DOCK3: variants seen among roughly 807,000 people sequenced by gnomAD.
DOCK3 encodes the protein dedicator of cytokinesis 3, also known as dedicator of cytokinesis protein 3.
Under a neutral mutation model 265.6 loss-of-function variants are expected in DOCK3, and 60 were observed. The ratio of observed to expected loss-of-function variants is 0.23; its 90% CI spans 0.18 to 0.28. DOCK3 has a LOEUF of 0.28. DOCK3 is among the 10% of genes least tolerant of loss of function. The pLI, the probability that DOCK3 is intolerant of heterozygous loss-of-function variation, is 1.00. For synonymous variants in DOCK3, 881 were observed against 938.0 expected, an observed-to-expected ratio of 0.94 and a Z score of 1.11; for missense variants, 1,981 against 2,594.3, an observed-to-expected ratio of 0.76 and a Z score of 5.14.
chr3:50,845,639 A>G (rs1487030130), intron 3 of DOCK3, among the ~76,000 whole-genome samples: 1 of 152,154 alleles, frequency 6.6e-6, no homozygotes, highest in African/African-American at 2.4e-5. Context: ...GCAACAGGGA[A>G]TCTGTCATTC....
chr3:50,706,790 C>T (rs182165190), intron 1 of DOCK3, among the ~76,000 whole-genome samples: 1 of 148,914 alleles, frequency 6.7e-6, no homozygotes, highest in Non-Finnish European at 1.5e-5. Context: ...CTTTTATATT[C>T]TTTTTTTTTT....
At position 51,061,562 on chromosome 3, in the gene DOCK3, TG is replaced by T. The variant is rs531728765; in HGVS notation, c.316-2882del. The stretch of plus-strand genomic sequence containing the variant: ...GAACATCACACACCGGGGCCTGATG[TG>T]GGGTGGGGAGAGGGGGGAGGGATAG... On this transcript the variant is annotated intron_variant, in intron 5 of 52. Coordinates refer to ENST00000266037, the MANE Select transcript of DOCK3 (RefSeq NM_004947.5). 2.7e-5 allele frequency among the ~76,000 whole-genome samples: 4 copies of T among 146,396 alleles called. No homozygotes were observed. In the South Asian group the frequency reaches 8.7e-4, roughly 32 times the overall value.
chr3:50,691,256 C>T (rs1182097556), intron 1 of DOCK3, among the ~76,000 whole-genome samples: 1 of 150,492 alleles, frequency 6.6e-6, no homozygotes, highest in African/African-American at 2.5e-5. Flanking sequence ...TGCACTCCAG[C>T]CTGGGTGACA....
At chr3:50,781,035 T>G (rs2041881981) in intron 2 of DOCK3, among the ~76,000 whole-genome samples, 1 of 152,064 alleles carries the variant, frequency 6.6e-6, no homozygotes, top group Non-Finnish European at 1.5e-5. Context: ...ATACAACATA[T>G]TTTCTTAATC....
intron 49 of DOCK3, among the ~76,000 whole-genome samples, chr3:51,372,495 T>C (rs925544655): frequency 2.0e-5 from 3 of 152,214 alleles, no homozygotes; most frequent in African/African-American, 7.2e-5. Context: ...GGCTACAGCC[T>C]TCAGGCTGCT....
intron 1 of DOCK3, among the ~76,000 whole-genome samples, chr3:50,734,260 A>G (rs946050807): frequency 6.6e-5 from 10 of 152,140 alleles, no homozygotes; most frequent in African/African-American, 1.2e-4. Context: ...TGTAATCCCA[A>G]TACTTTGGGA....
At chr3:51,241,700 A>C (rs946651377) in intron 21 of DOCK3, among the ~76,000 whole-genome samples, 1 of 152,048 alleles carries the variant, frequency 6.6e-6, no homozygotes, top group African/African-American at 2.4e-5. Context: ...TCTTTCCCGA[A>C]CTTGGTCTAT....
At chr3:50,693,617 C>T (rs1027440098) in intron 1 of DOCK3, among the ~76,000 whole-genome samples, 1 of 148,818 alleles carries the variant, frequency 6.7e-6, no homozygotes, top group African/African-American at 2.5e-5. Flanking sequence ...CTCACTGCAA[C>T]CTCTACCTCC....
chr3:51,085,913 C>T (rs1057486162), intron 7 of DOCK3, among the ~76,000 whole-genome samples: 7 of 152,096 alleles, frequency 4.6e-5, no homozygotes, highest in African/African-American at 1.4e-4. Context: ...CGATAAACCA[C>T]TAGACTAATC....
chr3:50,692,819 C>T (rs545131745), intron 1 of DOCK3, among the ~76,000 whole-genome samples: 30 of 152,222 alleles, frequency 2.0e-4, no homozygotes, highest in African/African-American at 7.0e-4. Flanking sequence ...AATCCAGTGT[C>T]ATGAACCTTT....
At chr3:50,904,621 G>A (rs957825881) in intron 4 of DOCK3, among the ~76,000 whole-genome samples, 1 of 152,000 alleles carries the variant, frequency 6.6e-6, no homozygotes, top group African/African-American at 2.4e-5. Flanking sequence ...TTTTATTCTT[G>A]TAAATTTGTA....
At chr3:50,822,241 A>G (rs2044481566) in intron 2 of DOCK3, among the ~76,000 whole-genome samples, 1 of 151,830 alleles carries the variant, frequency 6.6e-6, no homozygotes, top group Non-Finnish European at 1.5e-5. Context: ...CTATATTCCT[A>G]GGTATTTTAT....
intron 9 of DOCK3, among the ~76,000 whole-genome samples, chr3:51,093,623 G>A (rs2082718577): frequency 6.6e-6 from 1 of 152,298 alleles, no homozygotes; most frequent in African/African-American, 2.4e-5. Flanking sequence ...CATGTCATCT[G>A]CAAACAGAGA....
At chr3:50,843,219 G>A (rs888540942) in intron 3 of DOCK3, among the ~76,000 whole-genome samples, 4 of 152,126 alleles carry the variant, frequency 2.6e-5, no homozygotes, top group African/African-American at 9.7e-5. Context: ...GGGTCAGCTG[G>A]GTAGCCAGTT....
chr3:51,326,571 C>T (rs1267051685), intron 32 of DOCK3, among the ~76,000 whole-genome samples: 1 of 149,570 alleles, frequency 6.7e-6, no homozygotes, highest in Non-Finnish European at 1.5e-5. Flanking sequence ...TGAGCCCCCA[C>T]GCCTGGCATG....
At chr3:50,819,655 A>G (rs2044289899) in intron 2 of DOCK3, among the ~76,000 whole-genome samples, 1 of 152,208 alleles carries the variant, frequency 6.6e-6, no homozygotes, top group Non-Finnish European at 1.5e-5. Flanking sequence ...CACCAGTGCC[A>G]TGACAGTTTA....
chr3:50,926,737 T>C (rs1033542514), intron 4 of DOCK3, among the ~76,000 whole-genome samples: 4 of 152,168 alleles, frequency 2.6e-5, no homozygotes, highest in Non-Finnish European at 5.9e-5. Flanking sequence ...TGGTACAGCA[T>C]TAGACAGCTG....
At chr3:50,784,408 T>C (rs1477035025) in intron 2 of DOCK3, among the ~76,000 whole-genome samples, 1 of 152,250 alleles carries the variant, frequency 6.6e-6, no homozygotes, top group Admixed American at 6.5e-5. Flanking sequence ...TTTTGGTGAC[T>C]ATAGCCTTAT....
chr3:51,297,892 C>T (rs2082182935), intron 27 of DOCK3, among the ~76,000 whole-genome samples: 1 of 151,904 alleles, frequency 6.6e-6, no homozygotes, highest in African/African-American at 2.4e-5. Flanking sequence ...GAGACTGAGG[C>T]AGGAGGATCC....
Sources: allele counts gnomAD v4.1 joint callset (sites outside exome capture counted in the v4.1 genomes callset), GRCh38; gene constraint gnomAD v4.1.1; transcripts MANE v1.5; gene names NCBI Gene and HGNC (gene_info 2026-07-23, HGNC 2026-07-21).